IMPG1: variants seen among roughly 807,000 people sequenced by gnomAD.
IMPG1 encodes the protein interphotoreceptor matrix proteoglycan of 150 kDa.
Under a neutral mutation model 92.0 loss-of-function variants are expected in IMPG1, and 85 were observed. The ratio of observed to expected loss-of-function variants is 0.92; its 90% CI spans 0.78 to 1.11. The LOEUF is 1.11. Among genes scored for constraint, IMPG1 ranks in the 50% least tolerant of loss-of-function variants. IMPG1 has a pLI of 0.00. For missense variants in IMPG1, 1,022 were observed against 956.0 expected, an observed-to-expected ratio of 1.07 and a Z score of -0.91; for synonymous variants, 367 against 334.1, an observed-to-expected ratio of 1.10 and a Z score of -1.08.
chr6:76,027,460 T>C (rs2185636), intron 4 of IMPG1, among the ~76,000 whole-genome samples: 152,362 of 152,362 alleles, frequency 1, 76,181 homozygotes, highest in Non-Finnish European at 1. Context: ...ACTACTGAAA[T>C]TAGATTTACA....
intron 14 of IMPG1, among the ~76,000 whole-genome samples, chr6:75,943,323 T>C (rs1486957146): frequency 6.6e-6 from 1 of 152,078 alleles, no homozygotes; most frequent in Non-Finnish European, 1.5e-5. Context: ...GTTTGTGTCG[T>C]AGGGGCAGAT....
chr6:76,021,917 C>T (rs1000262753), intron 6 of IMPG1, among the ~76,000 whole-genome samples, 199 bp downstream of exon 6: 1 of 150,992 alleles, frequency 6.6e-6, no homozygotes, highest in Non-Finnish European at 1.5e-5. Context: ...TATTCTAGGT[C>T]TTAATCTATG....
In IMPG1 at chr6:76,034,738, G is replaced by T. The variant is rs754212529; in HGVS notation, c.351C>A (p.Ile117=). 1 of 1,614,006 alleles carries T rather than the reference G, an allele frequency of 6.2e-7. No individual in the cohort carries two copies. The highest frequency in any genetic ancestry group is 1.1e-5 in the South Asian group (1 of 91,074). The change falls in exon 3 of 17, where the codon ATC becomes ATA. Residue 117 remains isoleucine, a synonymous_variant. Transcript: ENST00000369950. ...AGTCCTGATATTCCCCTGTGTCAGG[G>T]ATGCGATCCAGAAAGATCCGATATG... ...WEAYRIFLDR[I]PDTGEYQDWV...
chr6:75,974,268 CTT>C (rs2149466627), intron 12 of IMPG1, among the ~76,000 whole-genome samples: 1 of 151,228 alleles, frequency 6.6e-6, no homozygotes, highest in African/African-American at 2.4e-5. Flanking sequence ...CTTTCTCTCT[CTT>C]TCTTTCTCTC....
chr6:76,024,753 G>T (rs1783493271), intron 5 of IMPG1: 3 of 234,420 alleles, frequency 1.3e-5, no homozygotes, highest in Non-Finnish European at 2.6e-5. Flanking sequence ...TGATGCAATG[G>T]TTAAGTTGAT....
intron 14 of IMPG1, among the ~76,000 whole-genome samples, chr6:75,942,256 A>G (rs973959882): frequency 9.9e-5 from 15 of 152,118 alleles, no homozygotes; most frequent in Non-Finnish European, 2.1e-4. Context: ...CTTGTCAAAG[A>G]TTTCTCCCTT....
chr6:75,980,759 G>C (rs1335620398), intron 12 of IMPG1, among the ~76,000 whole-genome samples: 4 of 152,168 alleles, frequency 2.6e-5, no homozygotes, highest in Non-Finnish European at 4.4e-5. Context: ...TGTCTTCCTT[G>C]CTCCTCAACT....
intron 1 of IMPG1, among the ~76,000 whole-genome samples, chr6:76,058,438 C>T (rs924662599): frequency 1.3e-5 from 2 of 152,028 alleles, no homozygotes; most frequent in Non-Finnish European, 2.9e-5. Context: ...GCAGATACCT[C>T]GTTAAAAACT....
intron 1 of IMPG1, among the ~76,000 whole-genome samples, chr6:76,060,840 T>C (rs2127597684): frequency 6.6e-6 from 1 of 152,244 alleles, no homozygotes; most frequent in Admixed American, 6.5e-5. Context: ...CTTTATAATA[T>C]AGTGAGGAGG....
rs1332053310 is a variant in IMPG1 at position 76,030,499 on chromosome 6, T to C, written c.497+3816A>G. On this transcript the variant is annotated intron_variant, in intron 4 of 16. Transcript: ENST00000369950. The stretch of plus-strand genomic sequence containing the variant: ...TTTTCTCCTTTCTCCTCCTCTGTTC[T>C]CTCTTCACGGATAGGTAATACGCTC... Among the ~76,000 whole-genome samples, 3 of 152,108 alleles carry C rather than the reference T, an allele frequency of 2.0e-5. No individual in the cohort carries two copies. In the East Asian group the frequency reaches 5.8e-4, roughly 29 times the overall value.
chr6:76,005,505 G>A lies in IMPG1; in HGVS notation c.917C>T (p.Ala306Val), dbSNP rs745394882. ...TTCTGCACTGTGTCTCTTAAAGATG[G>A]CCGTAAGTTGCATCTCTGTGGAGCT... is the stretch of plus-strand genomic sequence containing the variant. ...GSSSTEMQLTAIFKRHSAEAK... is the reference protein window; with the variant it reads ...GSSSTEMQLTVIFKRHSAEAK... Residue 306 changes from alanine to valine, a missense_variant, in exon 10 of 17, where the codon GCC becomes GTC. By Grantham distance (64) the Ala-to-Val change is moderately conservative (BLOSUM62 0). Transcript: ENST00000369950. The A allele has an allele frequency of 2.5e-6, 4 of 1,613,852 alleles. No individual in the cohort carries two copies. The Admixed American group carries it at 6.7e-5, about 27-fold the overall frequency.
At chr6:75,992,951 A>G (rs1782838372) in intron 12 of IMPG1, among the ~76,000 whole-genome samples, 1 of 152,086 alleles carries the variant, frequency 6.6e-6, no homozygotes, top group Admixed American at 6.5e-5. Context: ...ACCTCTGTTT[A>G]GTCTATGTAA....
At chr6:76,033,114 C>T (rs1031477126) in intron 4 of IMPG1, among the ~76,000 whole-genome samples, 1 of 152,086 alleles carries the variant, frequency 6.6e-6, no homozygotes, top group African/African-American at 2.4e-5. Flanking sequence ...TCCTTGGGGC[C>T]AGAAGGGGTG....
chr6:75,922,797 G>T (rs752090399), intron 16 of IMPG1, among the ~76,000 whole-genome samples: 16 of 152,030 alleles, frequency 1.1e-4, no homozygotes, highest in Non-Finnish European at 2.2e-4. Context: ...CACATTCCCA[G>T]TGTGCACTTG....
chr6:75,982,561 C>CTATCTATCTATA (rs1444202136), intron 12 of IMPG1, among the ~76,000 whole-genome samples: 5 of 148,094 alleles, frequency 3.4e-5, no homozygotes, highest in South Asian at 4.3e-4. Flanking sequence ...ATCTATCTAT[C>CTATCTATCTATA]TATATATCTA....
intron 12 of IMPG1, among the ~76,000 whole-genome samples, chr6:75,955,016 G>A (rs1009057404): frequency 9.9e-5 from 15 of 151,982 alleles, no homozygotes; most frequent in Non-Finnish European, 1.8e-4. Flanking sequence ...GTTACTGTAG[G>A]CTTGTAGTAT....
intron 1 of IMPG1, among the ~76,000 whole-genome samples, chr6:76,052,195 G>T (rs1784054077): frequency 6.6e-6 from 1 of 152,088 alleles, no homozygotes. Context: ...TTTAAGTCTG[G>T]TAAATGTCAG....
chr6:75,997,941 G>A (rs189371749), intron 12 of IMPG1, among the ~76,000 whole-genome samples: 282 of 152,238 alleles, frequency 1.9e-3, no homozygotes, highest in African/African-American at 6.6e-3. Context: ...ATCCTTTTCA[G>A]GGAGCCGTTG....
chr6:76,033,596 G>A (rs950811019), intron 4 of IMPG1, among the ~76,000 whole-genome samples: 1 of 152,220 alleles, frequency 6.6e-6, no homozygotes, highest in Non-Finnish European at 1.5e-5. Flanking sequence ...TCCTAGACTA[G>A]GTTAGTGGCA....
Sources: allele counts gnomAD v4.1 joint callset (sites outside exome capture counted in the v4.1 genomes callset), GRCh38; gene constraint gnomAD v4.1.1; transcripts MANE v1.5; gene names NCBI Gene and HGNC (gene_info 2026-07-23, HGNC 2026-07-21).